CPB1: variants seen among roughly 807,000 people sequenced by gnomAD.
CPB1 encodes carboxypeptidase B1, also known as carboxypeptidase B.
A neutral mutation model predicts 51.4 loss-of-function variants in CPB1; 53 were observed. That is an observed-to-expected ratio of 1.03 (90% confidence interval 0.83 to 1.30). The LOEUF is 1.30. Ranked by LOEUF, CPB1 falls within the 50% of genes most tolerant of loss-of-function variation. CPB1 has a pLI of 0.00. For missense variants in CPB1, 494 were observed against 516.2 expected (o/e 0.96, Z 0.42); for synonymous variants, 189 against 186.9 (o/e 1.01, Z -0.09).
At chr3:148,855,889 A>G (rs1713556698) in intron 9 of CPB1, 1 of 152,228 alleles carries the variant, frequency 6.6e-6, no homozygotes, top group Non-Finnish European at 1.5e-5. Context: ...AGAAAATATC[A>G]TGTTTACCTA....
chr3:148,854,010 G>T (rs2108021087), intron 9 of CPB1: 1 of 152,248 alleles, frequency 6.6e-6, no homozygotes, highest in South Asian at 2.1e-4. Flanking sequence ...ATCACTAATT[G>T]GAGTTTCAAG....
chr3:148,855,075 C>T (rs1309738852), intron 9 of CPB1: 1 of 152,162 alleles, frequency 6.6e-6, no homozygotes, highest in Non-Finnish European at 1.5e-5. Context: ...GAATGCACAA[C>T]AAATAATGTA....
intron 2 of CPB1, among the ~76,000 whole-genome samples, chr3:148,833,559 C>T (rs150461832): frequency 2.6e-5 from 4 of 152,190 alleles, no homozygotes; most frequent in Admixed American, 2.0e-4. Flanking sequence ...CGCAAACATC[C>T]GAACAGAGAT....
chr3:148,834,983 G>T (rs973936883), intron 3 of CPB1, among the ~76,000 whole-genome samples: 1 of 152,056 alleles, frequency 6.6e-6, no homozygotes, highest in African/African-American at 2.4e-5. Context: ...TCTTTCCAGG[G>T]GATCAGCGAG....
intron 6 of CPB1, among the ~76,000 whole-genome samples, chr3:148,843,029 T>C (rs1276361711): frequency 6.6e-6 from 1 of 152,104 alleles, no homozygotes; most frequent in Non-Finnish European, 1.5e-5. Context: ...TTCAACAGTG[T>C]TAAAGTCATA....
At chr3:148,842,283 T>C (rs931195743) in intron 6 of CPB1, among the ~76,000 whole-genome samples, 5 of 152,158 alleles carry the variant, frequency 3.3e-5, no homozygotes, top group Non-Finnish European at 7.3e-5. Flanking sequence ...CCACATTTGG[T>C]AGAGAGTCCA....
Position 148,834,499 on chromosome 3 carries a change from T to C in CPB1, c.149T>C (p.Ile50Thr). ...CAATATATCTTGTCCTTTATTCAGA[T>C]TGACTTCTGGAAGCCAGATTCTGTC... ...IIRELASTTQ[I>T]DFWKPDSVTQ... is the part of the protein sequence containing the mutation. The change falls in exon 3 of 11, where the codon ATT (isoleucine) becomes ACT (threonine). Residue 50 changes from isoleucine (I) to threonine (T), a missense_variant and splice_region_variant. By Grantham distance (89) the Ile-to-Thr change is moderately conservative. Coordinates refer to ENST00000282957, the MANE Select transcript of CPB1 (RefSeq NM_001871.3). 6.2e-7 allele frequency: 1 copy of C among 1,613,422 alleles called. No homozygotes were observed. The highest frequency in any genetic ancestry group is 8.5e-7 in the Non-Finnish European group (1 of 1,179,376).
At chr3:148,842,401 G>C (rs551154754) in intron 6 of CPB1, among the ~76,000 whole-genome samples, 3 of 152,242 alleles carry the variant, frequency 2.0e-5, no homozygotes, top group Non-Finnish European at 4.4e-5. Context: ...TAAAAGAAAA[G>C]AGTGCATAGT....
chr3:148,846,821 A>ATATATT (rs1713264699), intron 9 of CPB1, among the ~76,000 whole-genome samples: 1 of 106,754 alleles, frequency 9.4e-6, no homozygotes, highest in Non-Finnish European at 1.9e-5. Flanking sequence ...ATATATATAT[A>ATATATT]TATATATATA....
At chr3:148,842,627 C>A (rs1402237525) in intron 6 of CPB1, among the ~76,000 whole-genome samples, 1 of 152,152 alleles carries the variant, frequency 6.6e-6, no homozygotes, top group Non-Finnish European at 1.5e-5. Context: ...ATAAAATCAT[C>A]ACTAGAACAT....
intron 9 of CPB1, among the ~76,000 whole-genome samples, chr3:148,852,372 A>G (rs1193600549): frequency 6.6e-6 from 1 of 152,088 alleles, no homozygotes; most frequent in African/African-American, 2.4e-5. Flanking sequence ...GCATCTAGTG[A>G]GTAGAGGCCA....
chr3:148,829,975 TTACTAA>T (rs1712685291), intron 2 of CPB1, among the ~76,000 whole-genome samples: 1 of 152,166 alleles, frequency 6.6e-6, no homozygotes, highest in African/African-American at 2.4e-5. Context: ...ATCAAATGCT[TTACTAA>T]GATCAAGATT....
intron 9 of CPB1, among the ~76,000 whole-genome samples, chr3:148,848,000 G>A: frequency 6.6e-6 from 1 of 152,146 alleles, no homozygotes; most frequent in African/African-American, 2.4e-5. Flanking sequence ...TACTTAAGGT[G>A]ACTGTTATTT....
At chr3:148,843,658 G>A (rs973053582) in intron 6 of CPB1, among the ~76,000 whole-genome samples, 94 of 152,166 alleles carry the variant, frequency 6.2e-4, no homozygotes, top group African/African-American at 2.2e-3. Context: ...ATTACAAACA[G>A]TATATAAAAA....
intron 10 of CPB1, 105 bp downstream of exon 10, chr3:148,857,646 C>A (rs1326046838): frequency 7.5e-6 from 5 of 668,184 alleles, no homozygotes; most frequent in Non-Finnish European, 1.2e-5. Context: ...GTGGCTTTTG[C>A]CTCACAGCAA....
intron 6 of CPB1, among the ~76,000 whole-genome samples, chr3:148,842,785 C>A (rs1470000748): frequency 5.6e-4 from 85 of 152,194 alleles, no homozygotes; most frequent in African/African-American, 2.0e-3. Flanking sequence ...AGTGGATAAA[C>A]CTAGCAGAAG....
intron 9 of CPB1, chr3:148,855,772 A>G (rs2108021851): frequency 6.6e-6 from 1 of 152,360 alleles, no homozygotes; most frequent in Non-Finnish European, 1.5e-5. Flanking sequence ...GAAGGCAACC[A>G]GGGAAGGAAT....
At chr3:148,829,444 G>C (rs1208414623) in intron 2 of CPB1, among the ~76,000 whole-genome samples, 1 of 152,082 alleles carries the variant, frequency 6.6e-6, no homozygotes, top group East Asian at 1.9e-4. Flanking sequence ...ATATTAACCT[G>C]TGTTCAGTCA....
intron 3 of CPB1, among the ~76,000 whole-genome samples, chr3:148,836,963 G>A (rs1712923593): frequency 6.6e-6 from 1 of 152,016 alleles, no homozygotes; most frequent in Non-Finnish European, 1.5e-5. Flanking sequence ...TCTTCACCAA[G>A]ACCTGTATTA....
Sources: gnomAD v4.1 joint callset for allele counts (sites outside exome capture counted in the v4.1 genomes callset) on GRCh38, gnomAD v4.1.1 for gene constraint, MANE v1.5 for transcripts, NCBI Gene and HGNC (gene_info 2026-07-23, HGNC 2026-07-21) for gene names.